Variants in NUP205 observed in about 807,000 individuals in gnomAD.
The protein encoded by NUP205 is nucleoporin 205, also known as nuclear pore complex protein Nup205.
NUP205 carries 76 observed loss-of-function variants against 253.8 expected under a neutral mutation model. That is an observed-to-expected ratio of 0.30 (90% CI 0.25 to 0.36). The LOEUF is 0.36. Among genes scored for constraint, NUP205 ranks in the 10% least tolerant of loss-of-function variants. The pLI, the probability that NUP205 is intolerant of heterozygous loss-of-function variation, is 1.00. For missense variants in NUP205, 2,162 were observed against 2,425.5 expected, an observed-to-expected ratio of 0.89 and a Z score of 2.28; for synonymous variants, 832 against 850.1, an observed-to-expected ratio of 0.98 and a Z score of 0.37.
At chr7:135,591,742 C>A in intron 11 of NUP205, 142 bp downstream of exon 11, 1 of 658,604 alleles carries the variant, frequency 1.5e-6, no homozygotes, top group Non-Finnish European at 2.5e-6. Flanking sequence ...GTGAAGGAAG[C>A]ATGCATACAG....
chr7:135,629,223 A>G (rs1360938331), intron 34 of NUP205, among the ~76,000 whole-genome samples: 4 of 152,246 alleles, frequency 2.6e-5, no homozygotes, highest in Non-Finnish European at 1.5e-5. Context: ...TTTGTAAGCT[A>G]GTTGAGATAT....
rs145414092 is a variant in NUP205 at position 135,570,029 on chromosome 7, TTATATA to T, written c.29-1057_29-1052del. 7.7e-3 allele frequency among the ~76,000 whole-genome samples: 758 copies of T among 98,538 alleles called. 6 individuals carry two copies. Among genetic ancestry groups the T allele is most frequent in the Middle Eastern group, 0.021 (4 of 192 alleles). 64.6% of individuals were successfully genotyped at this position (98,538 alleles called of 152,430 possible). The stretch of plus-strand genomic sequence containing the variant: ...CTTTGAAGCAGATGGTGTTTATGTT[TTATATA>T]TATATATATATATATATAGAGAGAG... On this transcript the variant is annotated intron_variant, in intron 1 of 42. Transcript: ENST00000285968.
rs62479523 is a variant in NUP205 at position 135,646,081 on chromosome 7, C to A, written c.5813-77C>A. 145,709 of 905,796 alleles carry A rather than the reference C, an allele frequency of 0.16. 12,829 individuals are homozygous for A. Among genetic ancestry groups the A allele is most frequent in the South Asian group, 0.17 (12,825 of 73,340 alleles). 56.1% of individuals were successfully genotyped at this position (905,796 alleles called of 1,614,324 possible). A position where few individuals can be genotyped will look rare whatever the true frequency, so the allele number is the denominator to read the frequency against. On this transcript the variant is annotated intron_variant, in intron 41 of 42. Transcript: ENST00000285968. ...TTTTCATGGTGCTATTGTTATTATT[C>A]ATTGTCATCAGGTTCCTCCACTGTG...
rs774817875 is a variant in NUP205, at chr7:135,607,387, C to T, written c.3195+16C>T. 46 of 1,610,742 alleles carry T rather than the reference C, an allele frequency of 2.9e-5. No homozygotes were observed. The highest frequency in any genetic ancestry group is 3.4e-4 in the Middle Eastern group (2 of 5,824). ...ATGTTACCAGGTACACAGAAAACTG[C>T]GTTTTGTGGTACTGAATAGAAGAAA... On this transcript the variant is annotated intron_variant, in intron 22 of 42. Transcript: ENST00000285968.
At position 135,604,479 on chromosome 7, in the gene NUP205, C is replaced by G. The variant is rs750728651; in HGVS notation, c.2823+19C>G. The G allele has an allele frequency of 1.3e-6, 2 of 1,592,786 alleles. No individual in the cohort carries two copies. Among genetic ancestry groups the G allele is most frequent in the Non-Finnish European group, 1.7e-6 (2 of 1,172,864 alleles). Reference sequence around the variant, plus strand: ...TGACCAGGTAACTGATTTTGTTGCTCTTGTTATTTTTTGGTGCATTTTGCA... The same window carrying G: ...TGACCAGGTAACTGATTTTGTTGCTGTTGTTATTTTTTGGTGCATTTTGCA... On this transcript the variant is annotated intron_variant, in intron 19 of 42. Coordinates refer to ENST00000285968, the MANE Select transcript of NUP205 (RefSeq NM_015135.3).
rs1419381566 is a variant in NUP205 at position 135,625,356 on chromosome 7, G to A, written c.4671+1G>A. 3 of 1,577,524 alleles carry A rather than the reference G, an allele frequency of 1.9e-6. No homozygotes were observed. The highest frequency in any genetic ancestry group is 2.6e-6 in the Non-Finnish European group (3 of 1,164,346). ...ACTTTATACTTATGAATCTAAAATG[G>A]TAAGGCTTTCTAGACATTTGATGTT... On this transcript the variant is annotated splice_donor_variant, in intron 32 of 42. Transcript: ENST00000285968. LOFTEE classifies it high-confidence loss of function.
chr7:135,626,665 T>C (rs983842018), intron 33 of NUP205, among the ~76,000 whole-genome samples: 4 of 152,236 alleles, frequency 2.6e-5, no homozygotes, highest in Admixed American at 6.5e-5. Context: ...TAATTTGTTA[T>C]GGATTTCCTG....
At position 135,578,811 on chromosome 7, in the gene NUP205, G is replaced by T; in HGVS notation, c.938G>T (p.Arg313Leu). 1 of 1,610,578 alleles carries T rather than the reference G, an allele frequency of 6.2e-7. No individual in the cohort carries two copies. The highest frequency in any genetic ancestry group is 2.2e-5 in the East Asian group (1 of 44,626). The part of the protein sequence containing the change: ...EKQYIATIHS[R>L]LQDSQLWKLP... ...CAGTACATTGCAACAATTCACTCTC[G>T]TCTTCAGGACTCACAGCTTTGGAAA... The change falls in exon 7 of 43, where the codon CGT becomes CTT. Residue 313 changes from arginine (R) to leucine (L), a missense_variant. Coordinates refer to ENST00000285968, the MANE Select transcript of NUP205 (RefSeq NM_015135.3).
intron 23 of NUP205, among the ~76,000 whole-genome samples, 191 bp from the exon 24 acceptor site, chr7:135,615,725 T>A (rs1794341827): frequency 6.6e-6 from 1 of 152,222 alleles, no homozygotes; most frequent in African/African-American, 2.4e-5. Flanking sequence ...TTATACTAGC[T>A]TATTTTTTTC....
At chr7:135,618,954 C>T (rs1163672700) in intron 28 of NUP205, among the ~76,000 whole-genome samples, 1 of 152,178 alleles carries the variant, frequency 6.6e-6, no homozygotes, top group African/African-American at 2.4e-5. Context: ...TACCTAGCAT[C>T]ATGTTTAAAT....
At chr7:135,579,980 G>A (rs1317038832) in intron 7 of NUP205, among the ~76,000 whole-genome samples, 3 of 152,152 alleles carry the variant, frequency 2.0e-5, no homozygotes, top group African/African-American at 7.2e-5. Flanking sequence ...TTAACTCACT[G>A]TAGCATATAT....
At chr7:135,598,686 T>C (rs1459268477) in intron 15 of NUP205, 2 of 160,890 alleles carry the variant, frequency 1.2e-5, no homozygotes, top group African/African-American at 4.8e-5. Flanking sequence ...CTGATCTTTA[T>C]GACACATTTG....
intron 34 of NUP205, among the ~76,000 whole-genome samples, chr7:135,629,469 ATCTCTCTCTCTCTCTCTC>A (rs201403059): frequency 1.1e-3 from 126 of 119,802 alleles, no homozygotes; most frequent in Middle Eastern, 4.1e-3. Flanking sequence ...GTGAGACCCT[ATCTCTCTCTCTCTCTCTC>A]TCTCTCTCTC....
chr7:135,581,744 T>C (rs1806311068), intron 7 of NUP205, among the ~76,000 whole-genome samples: 1 of 150,470 alleles, frequency 6.6e-6, no homozygotes, highest in Non-Finnish European at 1.5e-5. Flanking sequence ...TCCCAGCTGC[T>C]TGGGAGACTG....
In NUP205 at chr7:135,594,666, C is replaced by A. The variant is rs769278639; in HGVS notation, c.1950C>A (p.Leu650=). The A allele has an allele frequency of 2.5e-6, 4 of 1,613,712 alleles. No individual in the cohort carries two copies. Among genetic ancestry groups the A allele is most frequent in the Non-Finnish European group, 2.5e-6 (3 of 1,179,870 alleles). The change falls in exon 13 of 43, where the codon CTC becomes CTA. Residue 650 remains leucine, a synonymous_variant. Transcript: ENST00000285968. ...TAAAAGCTGAGCTACTGAAGACACT[C>A]GCAGCTTTTGGAAAATCTCCTGAAA... ...PVLKAELLKT[L]AAFGKSPEIA...
chr7:135,631,178 T>A (rs937847422), intron 35 of NUP205, among the ~76,000 whole-genome samples: 23 of 152,072 alleles, frequency 1.5e-4, no homozygotes, highest in African/African-American at 5.6e-4. Flanking sequence ...AAAACAAATA[T>A]TTAATTTTAC....
At chr7:135,611,380 T>C (rs1183167132) in intron 22 of NUP205, among the ~76,000 whole-genome samples, 1 of 152,166 alleles carries the variant, frequency 6.6e-6, no homozygotes, top group Non-Finnish European at 1.5e-5. Flanking sequence ...CCCCCAGTAA[T>C]AGACCTAACT....
chr7:135,610,505 C>T (rs1227002655), intron 22 of NUP205, among the ~76,000 whole-genome samples: 1 of 152,174 alleles, frequency 6.6e-6, no homozygotes, highest in African/African-American at 2.4e-5. Context: ...CAGGCGTGAG[C>T]CACCGTGCCC....
At chr7:135,629,529 C>CTTTT (rs767221141) in intron 34 of NUP205, among the ~76,000 whole-genome samples, 9 of 127,522 alleles carry the variant, frequency 7.1e-5, no homozygotes, top group Non-Finnish European at 1.3e-4. Flanking sequence ...CTCTGTCTCT[C>CTTTT]TTTTTTTTTT....
Sources: allele counts gnomAD v4.1 joint callset (sites outside exome capture counted in the v4.1 genomes callset), GRCh38; gene constraint gnomAD v4.1.1; transcripts MANE v1.5; gene names NCBI Gene and HGNC (gene_info 2026-07-23, HGNC 2026-07-21).